The following THSD7A variants were observed in gnomAD, a reference collection of about 807,000 sequenced individuals.
THSD7A encodes the protein thrombospondin type-1 domain-containing protein 7A.
In THSD7A, 96 loss-of-function variants were observed where a neutral mutation model predicts 231.3. That is an observed-to-expected ratio of 0.41 (90% CI 0.35 to 0.49). The LOEUF is 0.49. Among genes scored for constraint, THSD7A ranks in the 20% least tolerant of loss-of-function variants. THSD7A has a pLI of 0.05. For missense variants in THSD7A, 2,290 were observed against 2,070.2 expected, an observed-to-expected ratio of 1.11 and a Z score of -2.06; for synonymous variants, 940 against 743.3, an observed-to-expected ratio of 1.26 and a Z score of -4.30.
At chr7:11,546,204 TC>T (rs1789387312) in intron 4 of THSD7A, among the ~76,000 whole-genome samples, 4 of 140,264 alleles carry the variant, frequency 2.9e-5, no homozygotes, top group African/African-American at 8.1e-5. Flanking sequence ...GGGCGCGCGC[TC>T]ACACACACAC....
chr7:11,611,461 G>A (rs1780917637), intron 2 of THSD7A, among the ~76,000 whole-genome samples: 2 of 151,616 alleles, frequency 1.3e-5, no homozygotes, highest in African/African-American at 4.8e-5. Context: ...AAGAGATCTA[G>A]TATATTACTT....
chr7:11,554,891 C>T (rs933479985), intron 4 of THSD7A, among the ~76,000 whole-genome samples: 6 of 151,730 alleles, frequency 4.0e-5, no homozygotes, highest in African/African-American at 1.5e-4. Context: ...TTATGTGTAT[C>T]AGGTTGTCTG....
intron 4 of THSD7A, among the ~76,000 whole-genome samples, chr7:11,562,603 C>T (rs1790121428): frequency 6.6e-6 from 1 of 152,106 alleles, no homozygotes; most frequent in Non-Finnish European, 1.5e-5. Context: ...TGGATTTAAA[C>T]CTTCATTTCT....
Position 11,814,853 on chromosome 7 carries a change from G to T in THSD7A, c.190+16904C>A, listed in dbSNP as rs1784631160. ...TCAAAAGAAGCTGTTTGATAAGAGT[G>T]ATTGGATCTTCTGATCTTTGCTGCA... On this transcript the variant is annotated intron_variant, in intron 1 of 27. Transcript: ENST00000423059. The surrounding 1 kb of genome is among the most constrained non-coding windows in gnomAD (Gnocchi z 5.1). 6.6e-6 allele frequency among the ~76,000 whole-genome samples: 1 copy of T among 152,092 alleles called. No individual in the cohort carries two copies. Among genetic ancestry groups the T allele is most frequent in the South Asian group, 2.1e-4 (1 of 4,828 alleles).
intron 6 of THSD7A, among the ~76,000 whole-genome samples, chr7:11,514,867 G>T (rs913800781): frequency 6.6e-6 from 1 of 152,114 alleles, no homozygotes; most frequent in African/African-American, 2.4e-5. Flanking sequence ...CTGCACGAAA[G>T]CTCCAAAACT....
chr7:11,622,292 T>C (rs968826945), intron 2 of THSD7A, among the ~76,000 whole-genome samples: 10 of 152,036 alleles, frequency 6.6e-5, no homozygotes, highest in Non-Finnish European at 2.9e-5. Context: ...CTTAAGAAGG[T>C]AAGAACTTTG....
Position 11,613,158 on chromosome 7 carries a change from G to C in THSD7A, c.1023-19656C>G, listed in dbSNP as rs1327717849. ...TTCAGGGGATTCCCACCACATTGAG[G>C]TTTCTGGGTATCCCACAATCTTGGA... On this transcript the variant is annotated intron_variant, in intron 2 of 27. Coordinates refer to ENST00000423059, the MANE Select transcript of THSD7A (RefSeq NM_015204.3). Among the ~76,000 whole-genome samples the C allele has an allele frequency of 1.3e-5, 2 of 152,308 alleles. 1 individual carries two copies. Among genetic ancestry groups the C allele is most frequent in the South Asian group, 4.1e-4 (2 of 4,832 alleles).
chr7:11,830,223 G>C (rs1583325463), intron 1 of THSD7A, among the ~76,000 whole-genome samples: 2 of 152,324 alleles, frequency 1.3e-5, no homozygotes, highest in South Asian at 2.1e-4. Flanking sequence ...ATGCTGTACA[G>C]TGAATGTTGG....
intron 23 of THSD7A, among the ~76,000 whole-genome samples, chr7:11,394,752 C>T (rs1783115746): frequency 6.6e-6 from 1 of 152,188 alleles, no homozygotes; most frequent in South Asian, 2.1e-4. Context: ...TGCACTTTGG[C>T]AGCTATAGCC....
intron 1 of THSD7A, among the ~76,000 whole-genome samples, chr7:11,789,249 A>G (rs80021697): frequency 0.013 from 1,955 of 152,176 alleles, 45 homozygotes; most frequent in African/African-American, 0.045. Flanking sequence ...AAATTAGATC[A>G]GAAAGATGGG....
At chr7:11,720,662 G>A (rs1241619026) in intron 1 of THSD7A, among the ~76,000 whole-genome samples, 3 of 151,600 alleles carry the variant, frequency 2.0e-5, no homozygotes, top group Non-Finnish European at 2.9e-5. Flanking sequence ...ACCATCAACT[G>A]GTTCTTATCT....
intron 1 of THSD7A, among the ~76,000 whole-genome samples, chr7:11,688,577 G>A (rs1277318754): frequency 1.3e-5 from 2 of 151,792 alleles, no homozygotes; most frequent in Non-Finnish European, 2.9e-5. Context: ...CTGAGAGAGA[G>A]ATTTAAATAG....
intron 1 of THSD7A, among the ~76,000 whole-genome samples, chr7:11,722,719 T>A (rs1781402421): frequency 6.6e-6 from 1 of 151,830 alleles, no homozygotes; most frequent in Non-Finnish European, 1.5e-5. Flanking sequence ...AAAAGACACA[T>A]GAAAAAATGC....
chr7:11,613,779 T>C (rs929130014), intron 2 of THSD7A, among the ~76,000 whole-genome samples: 1 of 152,184 alleles, frequency 6.6e-6, no homozygotes, highest in Non-Finnish European at 1.5e-5. Context: ...ACTGAACTCT[T>C]TTGTCCTAGA....
intron 6 of THSD7A, among the ~76,000 whole-genome samples, chr7:11,522,975 CA>C (rs1395807221): frequency 1.3e-5 from 2 of 151,956 alleles, no homozygotes; most frequent in Non-Finnish European, 2.9e-5. Context: ...CCAAAGGAAC[CA>C]AAATGATTAT....
intron 4 of THSD7A, among the ~76,000 whole-genome samples, chr7:11,561,468 G>A (rs1790073629): frequency 6.6e-6 from 1 of 152,128 alleles, no homozygotes. Flanking sequence ...GGGATATTCT[G>A]CACTTATACT....
At chr7:11,800,563 A>T (rs1432606488) in intron 1 of THSD7A, among the ~76,000 whole-genome samples, 2 of 152,152 alleles carry the variant, frequency 1.3e-5, no homozygotes, top group African/African-American at 4.8e-5. Flanking sequence ...AAAGAAAAAA[A>T]ATATCGTATT....
At position 11,536,551 on chromosome 7, in the gene THSD7A, T is replaced by G. The variant is rs145610170; in HGVS notation, c.1822+4868A>C. On this transcript the variant is annotated intron_variant, in intron 6 of 27. Transcript: ENST00000423059. ...TTTGCTGATTTTGTTTTGCATACTA[T>G]TGTTTTAATAAGTCATGGTTATAGG... Among the ~76,000 whole-genome samples, 72 of 152,314 alleles carry G rather than the reference T, an allele frequency of 4.7e-4. 2 individuals carry two copies. The highest frequency in any genetic ancestry group is 1.6e-3 in the African/African-American group (65 of 41,584).
intron 1 of THSD7A, among the ~76,000 whole-genome samples, chr7:11,809,873 G>T (rs1345088661): frequency 1.3e-5 from 2 of 152,132 alleles, no homozygotes; most frequent in African/African-American, 4.8e-5. Flanking sequence ...GCTGAGAATT[G>T]TATCTAATAT....
Sources: allele counts gnomAD v4.1 joint callset (sites outside exome capture counted in the v4.1 genomes callset), GRCh38; gene constraint gnomAD v4.1.1; non-coding constraint Gnocchi (gnomAD v3.1); transcripts MANE v1.5; gene names NCBI Gene and HGNC (gene_info 2026-07-23, HGNC 2026-07-21).